The following KLHL28 variants were observed in gnomAD, a reference collection of about 807,000 sequenced individuals.
The protein encoded by KLHL28 is kelch-like protein 28.
A neutral mutation model predicts 48.3 loss-of-function variants in KLHL28; 22 were observed. The ratio of observed to expected loss-of-function variants is 0.46; its 90% CI spans 0.33 to 0.65. The LOEUF is 0.65. Among genes scored for constraint, KLHL28 ranks in the 30% least tolerant of loss-of-function variants. The probability of loss-of-function intolerance (pLI) is 0.03; values close to 1 mark genes in which losing one functional copy is unlikely to be tolerated. For synonymous variants in KLHL28, 243 were observed against 242.4 expected (o/e 1.00, Z -0.02); for missense variants, 527 against 704.3 (o/e 0.75, Z 2.85).
intron 4 of KLHL28, among the ~76,000 whole-genome samples, chr14:44,930,098 A>C (rs1883517677): frequency 6.6e-6 from 1 of 152,224 alleles, no homozygotes. Flanking sequence ...TCCAATTTTT[A>C]AAGTTCTCAT....
chr14:44,951,594 T>C (rs1368262385), intron 1 of KLHL28, among the ~76,000 whole-genome samples: 2 of 152,312 alleles, frequency 1.3e-5, no homozygotes, highest in Admixed American at 1.3e-4. Context: ...TCAAAGTGTT[T>C]AAAATGGGCC....
In KLHL28 at chr14:44,931,464, A is replaced by G; in HGVS notation, c.1421T>C (p.Val474Ala). 6.2e-7 allele frequency: 1 copy of G among 1,613,978 alleles called. No homozygotes were observed. Among genetic ancestry groups the G allele is most frequent in the Non-Finnish European group, 8.5e-7 (1 of 1,179,940 alleles). Residue 474 changes from valine to alanine, a missense_variant, in exon 4 of 5, where the codon GTG becomes GCG. By Grantham distance (64) the Val-to-Ala change is moderately conservative (BLOSUM62 0). Coordinates refer to ENST00000396128, the MANE Select transcript of KLHL28 (RefSeq NM_017658.5). ...SMADKRIHFG[V>A]GVMLGFIFVV... Reference sequence around the variant, plus strand: ...AAAAATAAAGCCTAGCATGACACCCACGCCAAAGTGAATCCTTTTATCTGC... The same window carrying G: ...AAAAATAAAGCCTAGCATGACACCCGCGCCAAAGTGAATCCTTTTATCTGC...
Position 44,961,867 on chromosome 14 carries a change from G to C in KLHL28, c.-22C>G, listed in dbSNP as rs1032237936. The stretch of plus-strand genomic sequence containing the variant: ...ATACCTGAGTCTCAGTAATCACACG[G>C]GCAGCGACAGGAGGAGGAACCGCGG... On this transcript the variant is annotated 5_prime_UTR_variant, in exon 1 of 5. Transcript: ENST00000396128. The C allele has an allele frequency of 6.5e-6, 1 of 152,756 alleles. No individual in the cohort carries two copies. Among genetic ancestry groups the C allele is most frequent in the African/African-American group, 2.4e-5 (1 of 41,448 alleles). The allele number at this position is 152,756 out of a possible 1,614,324, so 9.5% of individuals were successfully genotyped here.
At position 44,926,035 on chromosome 14, in the gene KLHL28, C is replaced by G. The variant is rs753817183; in HGVS notation, c.*2993G>C. On this transcript the variant is annotated 3_prime_UTR_variant, in exon 5 of 5. Coordinates refer to ENST00000396128, the MANE Select transcript of KLHL28 (RefSeq NM_017658.5). ...AAAATTATTTCTAATACTTTTAATCCTGAGGATTTATAACCAAACATTTTG... is the reference window on the plus strand; with the variant it reads ...AAAATTATTTCTAATACTTTTAATCGTGAGGATTTATAACCAAACATTTTG... 2.0e-5 allele frequency: 3 copies of G among 151,934 alleles called. No homozygotes were observed. Among genetic ancestry groups the G allele is most frequent in the Admixed American group, 1.3e-4 (2 of 15,236 alleles). 9.4% of individuals were successfully genotyped at this position (151,934 alleles called of 1,614,324 possible). A position where few individuals can be genotyped will look rare whatever the true frequency, so the allele number is the denominator to read the frequency against.
Position 44,926,768 on chromosome 14 carries a change from C to T in KLHL28, c.*2260G>A, listed in dbSNP as rs1246404467. On this transcript the variant is annotated 3_prime_UTR_variant, in exon 5 of 5. Coordinates refer to ENST00000396128, the MANE Select transcript of KLHL28 (RefSeq NM_017658.5). The stretch of plus-strand genomic sequence containing the variant: ...GGTGATATACCCGCCTTGGCCTCTC[C>T]AAGTGCTGGGATTACAGGCGTGAGC... 6.6e-6 allele frequency: 1 copy of T among 152,122 alleles called. No homozygotes were observed. Among genetic ancestry groups the T allele is most frequent in the Non-Finnish European group, 1.5e-5 (1 of 68,020 alleles). 9.4% of individuals were successfully genotyped at this position (152,122 alleles called of 1,614,324 possible).
At chr14:44,943,666 A>G (rs1190156688) in intron 2 of KLHL28, among the ~76,000 whole-genome samples, 1 of 151,886 alleles carries the variant, frequency 6.6e-6, no homozygotes, top group East Asian at 1.9e-4. Flanking sequence ...TCAAAAAAAT[A>G]AAAAATAAAA....
intron 3 of KLHL28, among the ~76,000 whole-genome samples, chr14:44,933,180 G>C (rs1883658484): frequency 1.3e-5 from 2 of 151,988 alleles, no homozygotes; most frequent in East Asian, 3.9e-4. Context: ...TCCACAGTTG[G>C]ATGGATCTGT....
chr14:44,946,921 G>A (rs1188260635), intron 1 of KLHL28, among the ~76,000 whole-genome samples: 2 of 151,938 alleles, frequency 1.3e-5, no homozygotes, highest in African/African-American at 4.8e-5. Flanking sequence ...GCTTCTGGAA[G>A]ATGAAAAAGA....
At position 44,924,743 on chromosome 14, in the gene KLHL28, G is replaced by A. The variant is rs1298386399; in HGVS notation, c.*4285C>T. 3 of 152,666 alleles carry A rather than the reference G, an allele frequency of 2.0e-5. No individual in the cohort carries two copies. In the South Asian group the frequency reaches 6.2e-4, roughly 32 times the overall value. 9.5% of individuals were successfully genotyped at this position (152,666 alleles called of 1,614,324 possible). ...TCACTTGTATTTTAAGGCAAACTTG[G>A]AACTTTTTGCTTAGTATTTAAAAAT... On this transcript the variant is annotated 3_prime_UTR_variant, in exon 5 of 5. Transcript: ENST00000396128.
At chr14:44,944,999 C>T in intron 2 of KLHL28, 31 bp downstream of exon 2, 1 of 1,416,962 alleles carries the variant, frequency 7.1e-7, no homozygotes, top group Non-Finnish European at 9.6e-7. Context: ...AATCAATTAG[C>T]ATCATTCATT....
intron 2 of KLHL28, among the ~76,000 whole-genome samples, chr14:44,939,926 C>A (rs1467580264): frequency 1.3e-5 from 2 of 152,178 alleles, no homozygotes; most frequent in African/African-American, 4.8e-5. Context: ...AATGGCCCCA[C>A]TTTTTGGTAC....
rs1883331323 is a variant in KLHL28, at chr14:44,925,008, A to G, written c.*4020T>C. ...CCAAATCAATGTACTGTAAGTGAAAATCCAGTACATATCCAGCCATGGAAT... is the reference window on the plus strand; with the variant it reads ...CCAAATCAATGTACTGTAAGTGAAAGTCCAGTACATATCCAGCCATGGAAT... On this transcript the variant is annotated 3_prime_UTR_variant, in exon 5 of 5. Coordinates refer to ENST00000396128, the MANE Select transcript of KLHL28 (RefSeq NM_017658.5). 2 of 152,602 alleles carry G rather than the reference A, an allele frequency of 1.3e-5. No homozygotes were observed. The highest frequency in any genetic ancestry group is 1.3e-4 in the Admixed American group (2 of 15,278). The allele number at this position is 152,602 out of a possible 1,614,324, so 9.5% of individuals were successfully genotyped here.
intron 1 of KLHL28, chr14:44,959,654 T>G (rs930260985): frequency 6.6e-6 from 1 of 152,164 alleles, no homozygotes; most frequent in Non-Finnish European, 1.5e-5. Flanking sequence ...AATTAACATA[T>G]GTAGCACACA....
At chr14:44,944,757 A>G (rs930024348) in intron 2 of KLHL28, among the ~76,000 whole-genome samples, 3 of 152,188 alleles carry the variant, frequency 2.0e-5, no homozygotes, top group Non-Finnish European at 4.4e-5. Flanking sequence ...AAAAAAAGAA[A>G]GAAAGAGAGA....
chr14:44,945,030 C>T lies in KLHL28; in HGVS notation c.899G>A (p.Ser300Asn). The T allele has an allele frequency of 6.3e-7, 1 of 1,576,866 alleles. No individual in the cohort carries two copies. The highest frequency in any genetic ancestry group is 8.7e-7 in the Non-Finnish European group (1 of 1,154,998). ...GKSGLFACLD[S>N]VEMYFPQNDS... ...TCATTTAGGAAAGCCTTCTATTTAC[C>T]TATCCAAACAGGCAAAGAGTCCAGA... The change falls in exon 2 of 5, where the codon AGT (serine) becomes AAT (asparagine). Residue 300 changes from serine (S) to asparagine (N), a missense_variant and splice_region_variant. Ser to Asn is a conservative substitution (Grantham distance 46). Coordinates refer to ENST00000396128, the MANE Select transcript of KLHL28 (RefSeq NM_017658.5).
At chr14:44,957,313 C>CT (rs77718288) in intron 1 of KLHL28, among the ~76,000 whole-genome samples, 15,175 of 152,044 alleles carry the variant, frequency 0.1, 1,031 homozygotes, top group African/African-American at 0.19. Context: ...CAGTAAGAGA[C>CT]TTTTTTCTTA....
In KLHL28 at chr14:44,945,675, G is replaced by A. The variant is rs1884302272; in HGVS notation, c.254C>T (p.Ala85Val). The change falls in exon 2 of 5, where the codon GCT (alanine) becomes GTT (valine). Residue 85 changes from alanine (A) to valine (V), a missense_variant. Physicochemically the swap from Ala to Val is moderately conservative, Grantham distance 64. Transcript: ENST00000396128. Reference sequence around the variant, plus strand: ...GGCATACTCCACAATGGCCTGGAGAGCAGTTTCATCAATGCATTGAAACTC... The same window carrying A: ...GGCATACTCCACAATGGCCTGGAGAACAGTTTCATCAATGCATTGAAACTC... ...EVEFQCIDETALQAIVEYAYT... is the reference protein window; with the variant it reads ...EVEFQCIDETVLQAIVEYAYT... The A allele has an allele frequency of 6.2e-7, 1 of 1,614,174 alleles. No homozygotes were observed. The highest frequency in any genetic ancestry group is 8.5e-7 in the Non-Finnish European group (1 of 1,180,016).
intron 2 of KLHL28, 67 bp from the exon 3 acceptor site, chr14:44,934,625 A>G: frequency 8.3e-7 from 1 of 1,202,034 alleles, no homozygotes; most frequent in Non-Finnish European, 1.1e-6. Flanking sequence ...AGATATGTTT[A>G]ATCTTATTAG....
chr14:44,938,771 GCC>G (rs1327312559), intron 2 of KLHL28, among the ~76,000 whole-genome samples: 1 of 152,232 alleles, frequency 6.6e-6, no homozygotes, highest in Non-Finnish European at 1.5e-5. Context: ...ACCTCTGGCA[GCC>G]CTGTCCCCAT....
Sources: gnomAD v4.1 joint callset for allele counts (sites outside exome capture counted in the v4.1 genomes callset) on GRCh38, gnomAD v4.1.1 for gene constraint, MANE v1.5 for transcripts, NCBI Gene and HGNC (gene_info 2026-07-23, HGNC 2026-07-21) for gene names.